Variants in TUSC3 observed in about 807,000 individuals in gnomAD.
TUSC3 encodes the protein dolichyl-diphosphooligosaccharide--protein glycosyltransferase subunit TUSC3.
A neutral mutation model predicts 44.8 loss-of-function variants in TUSC3; 45 were observed. The observed-to-expected ratio is 1.00, with a 90% confidence interval of 0.79 to 1.29. The LOEUF is 1.29. Among genes scored for constraint, TUSC3 ranks in the 50% most tolerant of loss-of-function variants. TUSC3 has a pLI of 0.00. For missense variants in TUSC3, 519 were observed against 437.9 expected, an observed-to-expected ratio of 1.19 and a Z score of -1.65; for synonymous variants, 212 against 152.9, an observed-to-expected ratio of 1.39 and a Z score of -2.85.
the TUSC3 span, chr8:15,806,237 G>T: frequency 3.6e-6 from 2 of 556,600 alleles, no homozygotes; most frequent in South Asian, 3.5e-5. Flanking sequence ...CATTTTGCTT[G>T]TTTGCCAATT....
the TUSC3 span, among the ~76,000 whole-genome samples, chr8:15,824,921 A>C: frequency 6.6e-6 from 1 of 152,172 alleles, no homozygotes; most frequent in Non-Finnish European, 1.5e-5. Context: ...ATTCAGTTAC[A>C]GTGCTTTCCT....
chr8:15,575,418 T>C (rs1193212208), intron 1 of TUSC3, among the ~76,000 whole-genome samples: 8 of 152,126 alleles, frequency 5.3e-5, no homozygotes, highest in Non-Finnish European at 1.5e-5. Flanking sequence ...ATCTAACATA[T>C]GTGTGTACAT....
chr8:15,598,231 A>G (rs570560690), intron 1 of TUSC3, among the ~76,000 whole-genome samples: 29 of 152,100 alleles, frequency 1.9e-4, no homozygotes, highest in African/African-American at 6.5e-4. Context: ...TAGTACATTG[A>G]AAGTTTTTCT....
chr8:15,718,841 C>T (rs1331824267), intron 6 of TUSC3, among the ~76,000 whole-genome samples: 1 of 151,996 alleles, frequency 6.6e-6, no homozygotes, highest in Admixed American at 6.6e-5. Context: ...TAAATCTTTA[C>T]TATACATCCT....
intron 6 of TUSC3, among the ~76,000 whole-genome samples, chr8:15,725,831 A>G (rs988322777): frequency 1.5e-4 from 23 of 152,312 alleles, no homozygotes; most frequent in Admixed American, 1.3e-4. Context: ...GATTTTATAA[A>G]GTACTGCACT....
intron 2 of TUSC3, among the ~76,000 whole-genome samples, chr8:15,628,659 T>C (rs1327671421): frequency 6.6e-6 from 1 of 152,182 alleles, no homozygotes; most frequent in African/African-American, 2.4e-5. Flanking sequence ...TTTTGTATTT[T>C]ATTCACTGAG....
chr8:15,772,854 A>G, the TUSC3 span, among the ~76,000 whole-genome samples: 1 of 152,152 alleles, frequency 6.6e-6, no homozygotes. Context: ...CATATGAGAA[A>G]GAAAATCAGT....
rs143792010 is a variant in TUSC3 at position 15,741,441 on chromosome 8, G to A, written c.863-2097G>A. On this transcript the variant is annotated intron_variant, in intron 7 of 10. Coordinates refer to ENST00000503731, the MANE Select transcript of TUSC3 (RefSeq NM_006765.4). ...AATGTCATAGTAGCTGGGCGCGGTG[G>A]CTCACAACTGTAATCCCAGCACTTT... 3.7e-3 allele frequency among the ~76,000 whole-genome samples: 559 copies of A among 152,240 alleles called. 7 individuals carry two copies. The highest frequency in any genetic ancestry group is 0.036 in the South Asian group (174 of 4,822).
At chr8:15,633,746 C>T (rs1050361199) in intron 2 of TUSC3, among the ~76,000 whole-genome samples, 3 of 152,180 alleles carry the variant, frequency 2.0e-5, no homozygotes, top group African/African-American at 7.2e-5. Context: ...AGGAAAGATT[C>T]TCCCCTTCAG....
At chr8:15,578,061 C>A (rs1431632326) in intron 1 of TUSC3, among the ~76,000 whole-genome samples, 11 of 150,404 alleles carry the variant, frequency 7.3e-5, no homozygotes, top group South Asian at 2.1e-4. Context: ...TAGGTATTTT[C>A]TTCTCTTTGA....
chr8:15,831,891 C>T, the TUSC3 span, among the ~76,000 whole-genome samples: 3 of 152,114 alleles, frequency 2.0e-5, no homozygotes, highest in Non-Finnish European at 2.9e-5. Context: ...TCCATGAGAA[C>T]GTCCCCAACC....
chr8:15,462,298 A>G (rs1800356510), intron 1 of TUSC3, among the ~76,000 whole-genome samples: 1 of 152,122 alleles, frequency 6.6e-6, no homozygotes, highest in African/African-American at 2.4e-5. Context: ...TATATAAACA[A>G]CTATTACAAC....
chr8:15,834,081 C>G, the TUSC3 span, among the ~76,000 whole-genome samples: 2 of 151,856 alleles, frequency 1.3e-5, no homozygotes, highest in East Asian at 3.9e-4. Context: ...TTATATTTTT[C>G]TTATAGTACT....
intron 2 of TUSC3, among the ~76,000 whole-genome samples, chr8:15,644,201 G>C (rs1017196202): frequency 4.6e-5 from 7 of 152,110 alleles, no homozygotes; most frequent in African/African-American, 7.2e-5. Context: ...ATAAAATATG[G>C]AGAAGATTTA....
the TUSC3 span, among the ~76,000 whole-genome samples, chr8:15,805,844 G>A: frequency 6.6e-6 from 1 of 152,106 alleles, no homozygotes; most frequent in Non-Finnish European, 1.5e-5. Context: ...TTAGGGAGGA[G>A]TCCCTCCTCC....
At chr8:15,649,177 T>G (rs985187185) in intron 2 of TUSC3, among the ~76,000 whole-genome samples, 16 of 152,228 alleles carry the variant, frequency 1.1e-4, no homozygotes, top group African/African-American at 3.9e-4. Context: ...GGGAAGTTTT[T>G]AAGAAATCAC....
the TUSC3 span, among the ~76,000 whole-genome samples, chr8:15,847,109 A>G: frequency 2.0e-5 from 3 of 152,114 alleles, no homozygotes; most frequent in Non-Finnish European, 4.4e-5. Context: ...CACTCTGTCC[A>G]TGGATTTCAA....
At chr8:15,469,566 G>A (rs929581854) in intron 1 of TUSC3, among the ~76,000 whole-genome samples, 141 of 152,184 alleles carry the variant, frequency 9.3e-4, no homozygotes, top group African/African-American at 3.3e-3. Flanking sequence ...AATGGTGCAG[G>A]TAATTTGGAG....
chr8:15,573,231 A>ATATATATATAT (rs1802960146), intron 1 of TUSC3, among the ~76,000 whole-genome samples: 1 of 68,786 alleles, frequency 1.5e-5, no homozygotes. Flanking sequence ...TATATATATA[A>ATATATATATAT]AAGTTTTTTT....
Sources: allele counts gnomAD v4.1 joint callset (sites outside exome capture counted in the v4.1 genomes callset), GRCh38; gene constraint gnomAD v4.1.1; transcripts MANE v1.5; gene names NCBI Gene and HGNC (gene_info 2026-07-23, HGNC 2026-07-21).